The following SMARCE1 variants were observed in gnomAD, a reference collection of about 807,000 sequenced individuals.
SMARCE1 encodes the protein SWI/SNF related BAF chromatin remodeling complex subunit E1.
SMARCE1 carries 13 observed loss-of-function variants against 54.9 expected under a neutral mutation model. The observed-to-expected ratio is 0.24, with a 90% CI of 0.15 to 0.38. The LOEUF (loss-of-function observed/expected upper bound fraction) is 0.38. Ranked by LOEUF, SMARCE1 falls within the 10% of genes least tolerant of loss-of-function variation. The pLI is 1.00. For synonymous variants in SMARCE1, 151 were observed against 175.3 expected (o/e 0.86, Z 1.10); for missense variants, 295 against 523.8 (o/e 0.56, Z 4.26).
At chr17:40,637,929 T>C (rs1231285726) in intron 4 of SMARCE1, among the ~76,000 whole-genome samples, 4 of 152,148 alleles carry the variant, frequency 2.6e-5, no homozygotes, top group Non-Finnish European at 5.9e-5. Flanking sequence ...CCATTACACA[T>C]ACAGTCAACA....
At chr17:40,629,743 G>T (rs2037071162) in intron 10 of SMARCE1, 5 of 394,178 alleles carry the variant, frequency 1.3e-5, no homozygotes, top group Non-Finnish European at 1.8e-5. Flanking sequence ...TTGTCTAGTT[G>T]CAAAATTAGC....
At chr17:40,630,670 A>C in intron 10 of SMARCE1, 44 bp downstream of exon 10, 1 of 1,516,768 alleles carries the variant, frequency 6.6e-7, no homozygotes, top group Non-Finnish European at 9.2e-7. Context: ...AGACAGCCGT[A>C]CAAAGTCTTG....
intron 7 of SMARCE1, chr17:40,635,343 A>G (rs1198656556): frequency 1.3e-5 from 2 of 151,852 alleles, no homozygotes; most frequent in African/African-American, 4.8e-5. Context: ...GCCTGGCTGC[A>G]CAAGACCAGA....
chr17:40,636,389 C>T lies in SMARCE1; in HGVS notation c.369+6G>A, dbSNP rs200391280. The T allele has an allele frequency of 5.0e-6, 8 of 1,610,648 alleles. No homozygotes were observed. The highest frequency in any genetic ancestry group is 1.3e-5 in the African/African-American group (1 of 74,930). On this transcript the variant is annotated splice_donor_region_variant and intron_variant, in intron 6 of 10. Coordinates refer to ENST00000348513, the MANE Select transcript of SMARCE1 (RefSeq NM_003079.5). The stretch of plus-strand genomic sequence containing the variant: ...TTATCTATCCCACTGTGAGCCCCTA[C>T]CCTACCTTTTCTGCTTCGTATTCGT...
In SMARCE1 at chr17:40,635,917, T is replaced by G; in HGVS notation, c.541+14A>C. 1 of 1,544,828 alleles carries G rather than the reference T, an allele frequency of 6.5e-7. No individual in the cohort carries two copies. Among genetic ancestry groups the G allele is most frequent in the East Asian group, 2.3e-5 (1 of 42,948 alleles). On this transcript the variant is annotated intron_variant, in intron 7 of 10. Transcript: ENST00000348513. Reference sequence around the variant, plus strand: ...AGAGAAAGCATAAACAAAACCCCACTTTTTTTCTTTTACCATCTGGATCTT... The same window carrying G: ...AGAGAAAGCATAAACAAAACCCCACGTTTTTTCTTTTACCATCTGGATCTT...
intron 3 of SMARCE1, chr17:40,643,288 T>C (rs2037217292): frequency 6.6e-6 from 1 of 152,276 alleles, no homozygotes; most frequent in South Asian, 2.1e-4. Context: ...TCTTCTTTGA[T>C]CCATCTTCCA....
At position 40,625,491 on chromosome 17, in the gene SMARCE1, G is replaced by A. The variant is rs1425158211; in HGVS notation, c.*3294C>T. On this transcript the variant is annotated 3_prime_UTR_variant, in exon 11 of 11. Coordinates refer to ENST00000348513, the MANE Select transcript of SMARCE1 (RefSeq NM_003079.5). Reference sequence around the variant, plus strand: ...AATGCACTAGCTGAAACCAGGTGGGGAGACCATGTGTGGTAGTGCTTGGGG... The same window carrying A: ...AATGCACTAGCTGAAACCAGGTGGGAAGACCATGTGTGGTAGTGCTTGGGG... 6.6e-6 allele frequency: 1 copy of A among 152,222 alleles called. No individual in the cohort carries two copies. Among genetic ancestry groups the A allele is most frequent in the Non-Finnish European group, 1.5e-5 (1 of 68,044 alleles). The allele number at this position is 152,222 out of a possible 1,614,324, so 9.4% of individuals were successfully genotyped here. A position where few individuals can be genotyped will look rare whatever the true frequency, so the allele number is the denominator to read the frequency against.
intron 5 of SMARCE1, 56 bp downstream of exon 5, chr17:40,637,436 A>G (rs2037157703): frequency 7.5e-7 from 1 of 1,339,690 alleles, no homozygotes; most frequent in African/African-American, 1.4e-5. Context: ...TTGGATGTTA[A>G]GCAAAGAAGC....
chr17:40,633,373 C>T (rs920629007), intron 7 of SMARCE1: 1 of 152,016 alleles, frequency 6.6e-6, no homozygotes, highest in Admixed American at 6.6e-5. Flanking sequence ...CTATCACCTT[C>T]ATAGTTTTTC....
Position 40,631,668 on chromosome 17 carries a change from TGAA to T in SMARCE1, c.737_739del (p.Leu246del). 1 of 1,610,424 alleles carries T rather than the reference TGAA, an allele frequency of 6.2e-7. No homozygotes were observed. The highest frequency in any genetic ancestry group is 8.5e-7 in the Non-Finnish European group (1 of 1,176,968). On this transcript the variant is annotated inframe_deletion, in exon 9 of 11. Coordinates refer to ENST00000348513, the MANE Select transcript of SMARCE1 (RefSeq NM_003079.5). The stretch of plus-strand genomic sequence containing the variant: ...CTTCTCCTGGTGTCGTTCCTCTATT[TGAA>T]GAAGTTCAGCTTCTAGTTTTCGCTG...
At chr17:40,645,073 G>C (rs528873280) in intron 3 of SMARCE1, 28 of 161,538 alleles carry the variant, frequency 1.7e-4, no homozygotes, top group South Asian at 4.1e-4. Context: ...TCAATAGCAA[G>C]ATCTGCCCCA....
At chr17:40,629,725 C>T (rs769333142) in intron 10 of SMARCE1, 12 of 396,554 alleles carry the variant, frequency 3.0e-5, no homozygotes, top group Non-Finnish European at 5.3e-5. Context: ...AGGCAAAGGA[C>T]TGAGTGTTTG....
chr17:40,632,686 G>C (rs943324176), intron 7 of SMARCE1: 1 of 229,216 alleles, frequency 4.4e-6, no homozygotes, highest in Non-Finnish European at 8.4e-6. Context: ...GTATGTGATG[G>C]CAGTAATTGA....
chr17:40,639,764 C>T (rs1250787245), intron 4 of SMARCE1, among the ~76,000 whole-genome samples: 1 of 152,168 alleles, frequency 6.6e-6, no homozygotes, highest in African/African-American at 2.4e-5. Flanking sequence ...CATCTTTCTA[C>T]AATGTCTTAA....
chr17:40,638,945 G>A (rs1244137306), intron 4 of SMARCE1, among the ~76,000 whole-genome samples: 1 of 152,088 alleles, frequency 6.6e-6, no homozygotes, highest in African/African-American at 2.4e-5. Context: ...TTTCCACTAT[G>A]ATCAAGAAAT....
chr17:40,636,204 G>A, intron 6 of SMARCE1, 102 bp from the exon 7 acceptor site: 1 of 1,214,068 alleles, frequency 8.2e-7, no homozygotes, highest in Non-Finnish European at 1.2e-6. Flanking sequence ...ATGTAAACAG[G>A]GTGTTGGGAT....
chr17:40,637,990 C>CTCACCA (rs2037162279), intron 4 of SMARCE1, among the ~76,000 whole-genome samples: 1 of 152,174 alleles, frequency 6.6e-6, no homozygotes. Context: ...CATTCTCACA[C>CTCACCA]TGTCTACAGG....
At chr17:40,641,559 A>C (rs1206490264) in intron 4 of SMARCE1, 7 of 152,218 alleles carry the variant, frequency 4.6e-5, no homozygotes, top group Non-Finnish European at 7.3e-5. Flanking sequence ...ACAGCAAACA[A>C]AAACCAGGTA....
At position 40,627,360 on chromosome 17, in the gene SMARCE1, T is replaced by C. The variant is rs1011317165; in HGVS notation, c.*1425A>G. ...ATGCTGGTACAGAGTCCTCTCCATA[T>C]AGGCACAGGACTTAACATTTATCAT... On this transcript the variant is annotated 3_prime_UTR_variant, in exon 11 of 11. Transcript: ENST00000348513. 3.3e-5 allele frequency: 5 copies of C among 152,238 alleles called. No individual in the cohort carries two copies. Among genetic ancestry groups the C allele is most frequent in the Admixed American group, 6.5e-5 (1 of 15,286 alleles). 9.4% of individuals were successfully genotyped at this position (152,238 alleles called of 1,614,324 possible).
Sources: allele counts gnomAD v4.1 joint callset (sites outside exome capture counted in the v4.1 genomes callset), GRCh38; gene constraint gnomAD v4.1.1; transcripts MANE v1.5; gene names NCBI Gene and HGNC (gene_info 2026-07-23, HGNC 2026-07-21).